SCMH1: variants seen among roughly 807,000 people sequenced by gnomAD.
SCMH1 encodes the protein polycomb protein SCMH1.
SCMH1 carries 37 observed loss-of-function variants against 70.8 expected under a neutral mutation model. That is an observed-to-expected ratio of 0.52 (90% confidence interval 0.40 to 0.69). The LOEUF (loss-of-function observed/expected upper bound fraction) is 0.69. Ranked by LOEUF, SCMH1 falls within the 30% of genes least tolerant of loss-of-function variation. The pLI is 0.00. For synonymous variants in SCMH1, 292 were observed against 307.4 expected (o/e 0.95, Z 0.52); for missense variants, 607 against 827.3 (o/e 0.73, Z 3.27).
chr1:41,124,551 T>C (rs1258377464), intron 6 of SCMH1, among the ~76,000 whole-genome samples: 1 of 152,166 alleles, frequency 6.6e-6, no homozygotes, highest in African/African-American at 2.4e-5. Flanking sequence ...TTTGGACTTC[T>C]TCTGATCGTT....
At chr1:41,030,368 T>G (rs1362125056) in intron 13 of SCMH1, among the ~76,000 whole-genome samples, 1 of 152,176 alleles carries the variant, frequency 6.6e-6, no homozygotes, top group Non-Finnish European at 1.5e-5. Context: ...AGCTCAGCCT[T>G]CCTACCTTCG....
At chr1:41,188,477 G>A (rs1650843034) in intron 1 of SCMH1, among the ~76,000 whole-genome samples, 1 of 152,176 alleles carries the variant, frequency 6.6e-6, no homozygotes, top group African/African-American at 2.4e-5. Context: ...GACTTGAAAT[G>A]TAGCTAGTGC....
chr1:41,033,250 T>C (rs1020696532), intron 13 of SCMH1, among the ~76,000 whole-genome samples: 3 of 150,922 alleles, frequency 2.0e-5, no homozygotes, highest in Admixed American at 1.3e-4. Context: ...TGAGCCACTG[T>C]ACTCCAGCCT....
intron 2 of SCMH1, among the ~76,000 whole-genome samples, chr1:41,182,747 A>C (rs1168041765): frequency 6.6e-6 from 1 of 152,108 alleles, no homozygotes; most frequent in Non-Finnish European, 1.5e-5. Context: ...AAAACAATGA[A>C]AAAGGAACTT....
At chr1:41,180,010 T>C (rs1197446496) in intron 2 of SCMH1, among the ~76,000 whole-genome samples, 1 of 152,170 alleles carries the variant, frequency 6.6e-6, no homozygotes, top group Non-Finnish European at 1.5e-5. Context: ...AAAAAGCTTA[T>C]CCACCATGAT....
chr1:41,219,306 A>G (rs1162023719), intron 1 of SCMH1, among the ~76,000 whole-genome samples: 1 of 152,214 alleles, frequency 6.6e-6, no homozygotes, highest in Non-Finnish European at 1.5e-5. Context: ...AATAATAAGA[A>G]CAGCACTTTC....
At chr1:41,213,907 A>C (rs954431343) in intron 1 of SCMH1, among the ~76,000 whole-genome samples, 4 of 152,098 alleles carry the variant, frequency 2.6e-5, no homozygotes, top group African/African-American at 7.2e-5. Flanking sequence ...AAAAACCTTT[A>C]AATTATTTCA....
intron 1 of SCMH1, among the ~76,000 whole-genome samples, chr1:41,204,765 A>G (rs1005522388): frequency 6.6e-6 from 1 of 152,112 alleles, no homozygotes; most frequent in Non-Finnish European, 1.5e-5. Context: ...AATATTTTCC[A>G]TATCTATTTA....
chr1:41,102,170 C>T (rs190237357), intron 8 of SCMH1, among the ~76,000 whole-genome samples: 15 of 150,594 alleles, frequency 1.0e-4, no homozygotes, highest in South Asian at 2.1e-4. Context: ...TGCATGCACA[C>T]GCATGTGTGT....
chr1:41,153,049 C>T (rs955110692), intron 4 of SCMH1, among the ~76,000 whole-genome samples: 5 of 152,152 alleles, frequency 3.3e-5, no homozygotes, highest in African/African-American at 7.2e-5. Context: ...GTTGACAGGG[C>T]CCTAAAGCAA....
intron 8 of SCMH1, among the ~76,000 whole-genome samples, chr1:41,097,133 A>T (rs1184486912): frequency 6.6e-6 from 1 of 152,214 alleles, no homozygotes; most frequent in East Asian, 1.9e-4. Flanking sequence ...ATACTGGCTC[A>T]GAGTATTGGC....
intron 10 of SCMH1, among the ~76,000 whole-genome samples, chr1:41,049,332 A>G (rs55646602): frequency 0.19 from 16,247 of 87,712 alleles, 1,244 homozygotes; most frequent in East Asian, 0.41. Context: ...GTGTGTGTGT[A>G]TGTATGTCAT....
At chr1:41,093,779 A>C (rs1664325580) in intron 8 of SCMH1, among the ~76,000 whole-genome samples, 1 of 152,216 alleles carries the variant, frequency 6.6e-6, no homozygotes, top group South Asian at 2.1e-4. Context: ...TCTCATCAGA[A>C]AAGTCTTTAA....
exon 15 of SCMH1, chr1:41,028,072 C>A: frequency 8.1e-7 from 1 of 1,231,278 alleles, no homozygotes; most frequent in Non-Finnish European, 1.2e-6. Flanking sequence ...TCCACACAGC[C>A]TCTTGGAGTC....
In SCMH1 at chr1:41,152,885, G is replaced by C. The variant is rs1046833108; in HGVS notation, c.107-1201C>G. On this transcript the variant is annotated intron_variant, in intron 4 of 14. Transcript: ENST00000337495. ...CCCTTAACTAAGCCAAATAGATTTG[G>C]CCAGAAATCACAGTCAGTTCTGAAC... The C allele has an allele frequency of 2.5e-5, 19 of 756,518 alleles. No homozygotes were observed. In the African/African-American group the frequency reaches 3.4e-4, roughly 13 times the overall value. 46.9% of individuals were successfully genotyped at this position (756,518 alleles called of 1,614,324 possible). A position where few individuals can be genotyped will look rare whatever the true frequency, so the allele number is the denominator to read the frequency against.
rs187620575 is a variant in SCMH1, at chr1:41,044,502, T to C, written c.1498+1905A>G. Reference sequence around the variant, plus strand: ...GATACACTAAGAAGCACAGAGGAATTAGAAGTTTAGGCAAGGCTCTGGCTT... The same window carrying C: ...GATACACTAAGAAGCACAGAGGAATCAGAAGTTTAGGCAAGGCTCTGGCTT... On this transcript the variant is annotated intron_variant, in intron 12 of 14. Transcript: ENST00000337495. Among the ~76,000 whole-genome samples the C allele has an allele frequency of 7.9e-5, 12 of 152,156 alleles. No individual in the cohort carries two copies. The East Asian group carries it at 2.3e-3, about 29-fold the overall frequency.
At chr1:41,120,872 T>C (rs1224083048) in intron 6 of SCMH1, among the ~76,000 whole-genome samples, 1 of 152,216 alleles carries the variant, frequency 6.6e-6, no homozygotes, top group Non-Finnish European at 1.5e-5. Context: ...ACACTATGTT[T>C]ATTACACTAT....
At chr1:41,233,974 T>C (rs906478827) in intron 1 of SCMH1, among the ~76,000 whole-genome samples, 5 of 152,218 alleles carry the variant, frequency 3.3e-5, no homozygotes, top group Non-Finnish European at 7.3e-5. Flanking sequence ...TATAAAGGTA[T>C]GTGTTGTTAT....
At chr1:41,167,173 A>G (rs1346130798) in intron 2 of SCMH1, among the ~76,000 whole-genome samples, 1 of 152,116 alleles carries the variant, frequency 6.6e-6, no homozygotes, top group Admixed American at 6.5e-5. Flanking sequence ...CCCAAGGGCA[A>G]ATCCCACTTA....
Sources: gnomAD v4.1 joint callset for allele counts (sites outside exome capture counted in the v4.1 genomes callset) on GRCh38, gnomAD v4.1.1 for gene constraint, MANE v1.5 for transcripts, NCBI Gene and HGNC (gene_info 2026-07-23, HGNC 2026-07-21) for gene names.